The following HOMER1 variants were observed in gnomAD, a reference collection of about 807,000 sequenced individuals.
HOMER1 encodes homer scaffold protein 1.
HOMER1 carries 3 observed loss-of-function variants against 48.9 expected under a neutral mutation model. The observed-to-expected ratio is 0.06, with a 90% CI of 0.03 to 0.16. HOMER1 has a LOEUF of 0.16. Ranked by LOEUF, HOMER1 falls within the 10% of genes least tolerant of loss-of-function variation. The pLI is 1.00. For missense variants in HOMER1, 247 were observed against 411.4 expected, an observed-to-expected ratio of 0.60 and a Z score of 3.46; for synonymous variants, 134 against 146.4, an observed-to-expected ratio of 0.92 and a Z score of 0.61.
chr5:79,460,889 C>T (rs1025946194), intron 1 of HOMER1, among the ~76,000 whole-genome samples: 2 of 152,118 alleles, frequency 1.3e-5, no homozygotes, highest in East Asian at 3.8e-4. Flanking sequence ...TGGGTTTCTA[C>T]TTTGGGTAAC....
Position 79,405,046 on chromosome 5 carries a change from G to A in HOMER1, c.528-2991C>T, listed in dbSNP as rs1245704256. On this transcript the variant is annotated intron_variant, in intron 5 of 8. Transcript: ENST00000334082. Reference sequence around the variant, plus strand: ...TCGATTCTGTGCGTGAGGCTGAACTGTGTCCCTCCAAAACTCATATATTGA... The same window carrying A: ...TCGATTCTGTGCGTGAGGCTGAACTATGTCCCTCCAAAACTCATATATTGA... 1.2e-4 allele frequency among the ~76,000 whole-genome samples: 18 copies of A among 152,008 alleles called. 1 individual carries two copies. The highest frequency in any genetic ancestry group is 1.2e-3 in the Admixed American group (18 of 15,246).
At chr5:79,464,886 A>C (rs1484964515) in intron 1 of HOMER1, among the ~76,000 whole-genome samples, 2 of 152,212 alleles carry the variant, frequency 1.3e-5, no homozygotes, top group Non-Finnish European at 2.9e-5. Flanking sequence ...TACCCAACAC[A>C]TAATTATACT....
chr5:79,469,900 T>TGTG (rs1312778743), intron 1 of HOMER1, among the ~76,000 whole-genome samples: 1 of 152,210 alleles, frequency 6.6e-6, no homozygotes, highest in African/African-American at 2.4e-5. Flanking sequence ...CCTGTAGTGA[T>TGTG]GTGGTGTTTG....
intron 2 of HOMER1, among the ~76,000 whole-genome samples, chr5:79,455,589 C>T (rs1236692694): frequency 2.0e-5 from 3 of 152,184 alleles, no homozygotes; most frequent in Middle Eastern, 3.2e-3. Flanking sequence ...TACCCAGTCT[C>T]AGGTATTTCT....
Position 79,374,174 on chromosome 5 carries a change from C to A in HOMER1, c.*1835G>T, listed in dbSNP as rs1748701141. ...ACTTCAAAATTCCATCAATCAAATA[C>A]ATTTTGTTACCTGATTTATCAGAGA... On this transcript the variant is annotated 3_prime_UTR_variant, in exon 9 of 9. Transcript: ENST00000334082. 6.6e-6 allele frequency: 1 copy of A among 152,366 alleles called. No individual in the cohort carries two copies. The highest frequency in any genetic ancestry group is 2.4e-5 in the African/African-American group (1 of 41,416). 9.4% of individuals were successfully genotyped at this position (152,366 alleles called of 1,614,324 possible). A position where few individuals can be genotyped will look rare whatever the true frequency, so the allele number is the denominator to read the frequency against.
At chr5:79,490,845 C>T (rs1241534059) in intron 1 of HOMER1, among the ~76,000 whole-genome samples, 1 of 150,156 alleles carries the variant, frequency 6.7e-6, no homozygotes, top group Non-Finnish European at 1.5e-5. Flanking sequence ...GAACCAGCTA[C>T]TTGGAAGGCT....
chr5:79,389,331 A>G (rs958112914), intron 8 of HOMER1, among the ~76,000 whole-genome samples: 1 of 152,198 alleles, frequency 6.6e-6, no homozygotes, highest in Non-Finnish European at 1.5e-5. Context: ...CTCTTTTGCA[A>G]CCATCCACAA....
chr5:79,445,147 G>C (rs972556610), intron 4 of HOMER1, among the ~76,000 whole-genome samples: 3 of 152,150 alleles, frequency 2.0e-5, no homozygotes, highest in African/African-American at 7.2e-5. Flanking sequence ...CCAATCATTT[G>C]GTTAGTTATT....
chr5:79,406,342 TACC>T (rs948813595), intron 5 of HOMER1, among the ~76,000 whole-genome samples: 5 of 152,236 alleles, frequency 3.3e-5, no homozygotes, highest in African/African-American at 1.2e-4. Flanking sequence ...TTTTATTTTC[TACC>T]TGTATCAAGA....
intron 3 of HOMER1, among the ~76,000 whole-genome samples, chr5:79,448,277 C>A (rs754525587): frequency 1.3e-5 from 2 of 152,022 alleles, no homozygotes; most frequent in Non-Finnish European, 2.9e-5. Flanking sequence ...GAAATGAAAT[C>A]AAAACAAAAC....
At chr5:79,486,332 G>A (rs1354579240) in intron 1 of HOMER1, among the ~76,000 whole-genome samples, 1 of 152,066 alleles carries the variant, frequency 6.6e-6, no homozygotes, top group Non-Finnish European at 1.5e-5. Context: ...TGTTGCAAGA[G>A]AGACAATGAG....
At chr5:79,472,671 C>G (rs1213816911) in intron 1 of HOMER1, among the ~76,000 whole-genome samples, 1 of 151,836 alleles carries the variant, frequency 6.6e-6, no homozygotes, top group African/African-American at 2.4e-5. Context: ...CCCAGCTACT[C>G]AGGAGACCGA....
chr5:79,395,315 A>G (rs1213793199), intron 8 of HOMER1, among the ~76,000 whole-genome samples: 1 of 152,196 alleles, frequency 6.6e-6, no homozygotes, highest in East Asian at 1.9e-4. Context: ...TTTAAGTTCT[A>G]CATCAGGATT....
intron 6 of HOMER1, among the ~76,000 whole-genome samples, chr5:79,398,930 T>TC (rs1749466017): frequency 1.3e-5 from 2 of 152,204 alleles, no homozygotes; most frequent in Admixed American, 1.3e-4. Flanking sequence ...ATGTGCTTTC[T>TC]CCAGAAAGCC....
chr5:79,477,226 G>C (rs964158839), intron 1 of HOMER1, among the ~76,000 whole-genome samples: 3 of 152,170 alleles, frequency 2.0e-5, no homozygotes, highest in African/African-American at 7.2e-5. Context: ...CGTATTTCTA[G>C]GACTTCCTCC....
intron 8 of HOMER1, among the ~76,000 whole-genome samples, chr5:79,391,922 C>T (rs756750285): frequency 1.3e-5 from 2 of 152,038 alleles, no homozygotes; most frequent in Non-Finnish European, 2.9e-5. Context: ...CAACCATGAA[C>T]AGCATATGCA....
At chr5:79,505,608 A>C (rs1752745370) in intron 1 of HOMER1, among the ~76,000 whole-genome samples, 1 of 152,210 alleles carries the variant, frequency 6.6e-6, no homozygotes, top group South Asian at 2.1e-4. Flanking sequence ...TTATGAAAGA[A>C]CATTAAAATA....
At chr5:79,474,559 C>T (rs908925794) in intron 1 of HOMER1, among the ~76,000 whole-genome samples, 2 of 152,118 alleles carry the variant, frequency 1.3e-5, no homozygotes, top group African/African-American at 4.8e-5. Context: ...GCAAAAAAAT[C>T]ATCTGTTTGC....
chr5:79,376,950 T>C (rs1748786460), intron 8 of HOMER1, among the ~76,000 whole-genome samples: 2 of 152,198 alleles, frequency 1.3e-5, no homozygotes, highest in African/African-American at 4.8e-5. Flanking sequence ...CAGTTATTAC[T>C]GCTTTTGTTT....
Sources: gnomAD v4.1 joint callset for allele counts (sites outside exome capture counted in the v4.1 genomes callset) on GRCh38, gnomAD v4.1.1 for gene constraint, MANE v1.5 for transcripts, NCBI Gene and HGNC (gene_info 2026-07-23, HGNC 2026-07-21) for gene names.